The following LIPK variants were observed in gnomAD, a reference collection of about 807,000 sequenced individuals.
LIPK encodes the protein lipase family member K.
A neutral mutation model predicts 48.6 loss-of-function variants in LIPK; 32 were observed. That is an observed-to-expected ratio of 0.66 (90% confidence interval 0.50 to 0.88). The LOEUF is 0.88. LIPK is among the 40% of genes least tolerant of loss of function. The pLI is 0.00. For synonymous variants in LIPK, 164 were observed against 157.4 expected (o/e 1.04, Z -0.32); for missense variants, 507 against 478.5 (o/e 1.06, Z -0.56).
At chr10:88,715,216 A>G (rs1421564451) in intron 1 of LIPK, among the ~76,000 whole-genome samples, 1 of 152,084 alleles carries the variant, frequency 6.6e-6, no homozygotes, top group East Asian at 1.9e-4. Flanking sequence ...TTTTCTGCCA[A>G]TTATTGAAAG....
chr10:88,722,037 C>T (rs1434867437), intron 1 of LIPK, among the ~76,000 whole-genome samples: 1 of 152,218 alleles, frequency 6.6e-6, no homozygotes, highest in Non-Finnish European at 1.5e-5. Context: ...GTGGCTCACT[C>T]CTGTAATCCC....
chr10:88,730,823 C>T (rs1443453871), intron 3 of LIPK, among the ~76,000 whole-genome samples, 160 bp from the exon 4 acceptor site: 1 of 152,118 alleles, frequency 6.6e-6, no homozygotes, highest in East Asian at 1.9e-4. Context: ...AAATAACTTA[C>T]CCAAGTAAGT....
At chr10:88,743,004 A>C (rs1454698755) in intron 8 of LIPK, among the ~76,000 whole-genome samples, 2 of 152,216 alleles carry the variant, frequency 1.3e-5, no homozygotes, top group African/African-American at 4.8e-5. Context: ...AAGGCATTGG[A>C]TTTAAATGAA....
intron 8 of LIPK, 110 bp from the exon 9 acceptor site, chr10:88,743,140 G>T: frequency 1.7e-6 from 1 of 599,492 alleles, no homozygotes. Flanking sequence ...TTTAGCTTAT[G>T]TTTCTAAAGA....
At chr10:88,716,438 A>C (rs1204048113) in intron 1 of LIPK, among the ~76,000 whole-genome samples, 2 of 136,680 alleles carry the variant, frequency 1.5e-5, no homozygotes, top group Admixed American at 7.6e-5. Flanking sequence ...GTTCACTGCA[A>C]CCTCTGCCTC....
chr10:88,750,552 G>A (rs1396145983), intron 9 of LIPK, among the ~76,000 whole-genome samples: 4 of 152,172 alleles, frequency 2.6e-5, no homozygotes, highest in Non-Finnish European at 4.4e-5. Flanking sequence ...CACAGGCACA[G>A]AAAACCAAAT....
intron 7 of LIPK, among the ~76,000 whole-genome samples, chr10:88,739,695 A>G (rs1842642476): frequency 6.6e-6 from 1 of 151,966 alleles, no homozygotes; most frequent in African/African-American, 2.4e-5. Flanking sequence ...CTCTACTAAA[A>G]GTACAAACAC....
chr10:88,728,724 C>A (rs2134730161), intron 3 of LIPK: 1 of 312,030 alleles, frequency 3.2e-6, no homozygotes, highest in Non-Finnish European at 6.5e-6. Flanking sequence ...CAGTGGCTAC[C>A]CAGGTGGGCT....
intron 2 of LIPK, among the ~76,000 whole-genome samples, chr10:88,726,173 G>A (rs1265596134): frequency 6.6e-6 from 1 of 152,016 alleles, no homozygotes; most frequent in African/African-American, 2.4e-5. Flanking sequence ...CTCATTAGAT[G>A]ACCATATAAT....
intron 9 of LIPK, among the ~76,000 whole-genome samples, chr10:88,750,611 G>A (rs1479406709): frequency 2.0e-5 from 3 of 152,112 alleles, no homozygotes; most frequent in Admixed American, 1.3e-4. Flanking sequence ...AGTTTACATG[G>A]ACACAAAGAG....
chr10:88,742,593 A>G (rs376264), intron 8 of LIPK, among the ~76,000 whole-genome samples: 33,446 of 152,154 alleles, frequency 0.22, 3,849 homozygotes, highest in East Asian at 0.37. Flanking sequence ...CTAATATTTG[A>G]AGTTTCAATA....
chr10:88,749,024 T>C (rs1205142898), intron 9 of LIPK, among the ~76,000 whole-genome samples: 8 of 152,100 alleles, frequency 5.3e-5, no homozygotes, highest in African/African-American at 1.7e-4. Context: ...ATCCCAATCA[T>C]AATAGCCACA....
At chr10:88,736,027 T>C (rs977846382) in intron 6 of LIPK, among the ~76,000 whole-genome samples, 5 of 152,134 alleles carry the variant, frequency 3.3e-5, no homozygotes, top group Non-Finnish European at 5.9e-5. Context: ...TCAGATATAA[T>C]CTTTATTTAA....
chr10:88,709,793 C>T (rs1841995601), intron 1 of LIPK, among the ~76,000 whole-genome samples: 1 of 152,084 alleles, frequency 6.6e-6, no homozygotes, highest in Admixed American at 6.6e-5. Context: ...TTTATACAGC[C>T]TAGAACAATT....
chr10:88,736,238 G>A (rs185678879), intron 6 of LIPK, among the ~76,000 whole-genome samples: 43 of 151,392 alleles, frequency 2.8e-4, no homozygotes, highest in African/African-American at 9.5e-4. Context: ...GGGAAAGGAA[G>A]GACAACAATA....
At chr10:88,751,686 C>CCA (rs953597340) in intron 9 of LIPK, among the ~76,000 whole-genome samples, 3 of 151,830 alleles carry the variant, frequency 2.0e-5, no homozygotes, top group Non-Finnish European at 2.9e-5. Context: ...TGGGGATATG[C>CCA]CACACACACA....
rs187484390 is a variant in LIPK at position 88,718,942 on chromosome 10, A to G, written c.-11-5591A>G. Among the ~76,000 whole-genome samples the G allele has an allele frequency of 3.3e-5, 5 of 152,332 alleles. No individual in the cohort carries two copies. The East Asian group carries it at 5.8e-4, about 18-fold the overall frequency. On this transcript the variant is annotated intron_variant, in intron 1 of 9. Transcript: ENST00000404190. ...GGTACAAAATATGTTGTTATTTTTCATAAGTCAATTGAAATAATTGTGCCA... is the reference window on the plus strand; with the variant it reads ...GGTACAAAATATGTTGTTATTTTTCGTAAGTCAATTGAAATAATTGTGCCA...
chr10:88,713,153 A>C (rs961918853), intron 1 of LIPK, among the ~76,000 whole-genome samples: 1 of 152,218 alleles, frequency 6.6e-6, no homozygotes, highest in African/African-American at 2.4e-5. Flanking sequence ...ATTTCTAGCT[A>C]TGTGAATTTA....
At chr10:88,748,740 A>T (rs1052158280) in intron 9 of LIPK, among the ~76,000 whole-genome samples, 1 of 152,180 alleles carries the variant, frequency 6.6e-6, no homozygotes, top group African/African-American at 2.4e-5. Context: ...ACAAGACAAG[A>T]ATGTCCACTG....
Sources: allele counts gnomAD v4.1 joint callset (sites outside exome capture counted in the v4.1 genomes callset), GRCh38; gene constraint gnomAD v4.1.1; transcripts MANE v1.5; gene names NCBI Gene and HGNC (gene_info 2026-07-23, HGNC 2026-07-21).